Variants in SLC17A3 observed in about 807,000 individuals in gnomAD.
SLC17A3 encodes solute carrier family 17 member 3, also known as sodium-dependent phosphate transport protein 4.
A neutral mutation model predicts 60.3 loss-of-function variants in SLC17A3; 61 were observed. That is an observed-to-expected ratio of 1.01 (90% CI 0.82 to 1.25). SLC17A3 has a LOEUF of 1.25. Among genes scored for constraint, SLC17A3 ranks in the 50% most tolerant of loss-of-function variants. The probability of loss-of-function intolerance (pLI) is 0.00; values close to 1 mark genes in which losing one functional copy is unlikely to be tolerated. For synonymous variants in SLC17A3, 192 were observed against 208.9 expected (o/e 0.92, Z 0.70); for missense variants, 624 against 594.9 (o/e 1.05, Z -0.51).
chr6:25,860,973 G>T (rs758936833), intron 5 of SLC17A3, among the ~76,000 whole-genome samples: 6 of 152,096 alleles, frequency 3.9e-5, no homozygotes, highest in Non-Finnish European at 8.8e-5. Flanking sequence ...TTATTTTCTG[G>T]ACTTGAAGGG....
intron 1 of SLC17A3, among the ~76,000 whole-genome samples, chr6:25,871,946 G>A (rs1765648463): frequency 6.6e-6 from 1 of 151,948 alleles, no homozygotes; most frequent in Admixed American, 6.6e-5. Context: ...TTAAGGCAGG[G>A]AATTAAAACT....
chr6:25,850,681 C>T (rs745991441), intron 7 of SLC17A3, 61 bp from the exon 8 acceptor site: 2 of 1,609,692 alleles, frequency 1.2e-6, no homozygotes, highest in African/African-American at 1.3e-5. Context: ...ACTTAGTCAC[C>T]CTTAAAAATC....
intron 6 of SLC17A3, among the ~76,000 whole-genome samples, chr6:25,853,285 A>G (rs572544898): frequency 1.5e-5 from 2 of 135,290 alleles, no homozygotes; most frequent in Admixed American, 7.3e-5. Context: ...CTCTCTGTTT[A>G]TCTCTCTTTC....
At chr6:25,868,731 T>C (rs1406404837) in intron 1 of SLC17A3, among the ~76,000 whole-genome samples, 1 of 152,022 alleles carries the variant, frequency 6.6e-6, no homozygotes, top group Non-Finnish European at 1.5e-5. Flanking sequence ...AGCACATTTG[T>C]GTGTTTCAGT....
At chr6:25,868,241 T>C (rs1000836770) in intron 2 of SLC17A3, 56 bp downstream of exon 2, 1 of 1,242,462 alleles carries the variant, frequency 8.0e-7, no homozygotes, top group African/African-American at 1.5e-5. Context: ...AGTAATACGT[T>C]GACAAAAAGA....
intron 11 of SLC17A3, among the ~76,000 whole-genome samples, chr6:25,847,133 T>C (rs2151517950): frequency 6.6e-6 from 1 of 152,234 alleles, no homozygotes; most frequent in South Asian, 2.1e-4. Context: ...TGTCCATGAA[T>C]GCTCATCCTT....
intron 6 of SLC17A3, among the ~76,000 whole-genome samples, chr6:25,854,086 C>A (rs1765322660): frequency 6.6e-6 from 1 of 152,094 alleles, no homozygotes; most frequent in Non-Finnish European, 1.5e-5. Flanking sequence ...ATTTTCAACT[C>A]ATTTAAATTT....
At chr6:25,855,108 A>G (rs998633350) in intron 6 of SLC17A3, 36 bp downstream of exon 6, 2 of 1,299,966 alleles carry the variant, frequency 1.5e-6, no homozygotes, top group Non-Finnish European at 1.1e-6. Flanking sequence ...ATCTTTCTGC[A>G]TATGAAACTC....
rs755262967 is a variant in SLC17A3, at chr6:25,850,827, C to T, written c.763G>A (p.Asp255Asn). Residue 255 changes from aspartate to asparagine, a missense_variant, in exon 7 of 13, where the codon GAC (aspartate) becomes AAC (asparagine). Coordinates refer to ENST00000397060, the MANE Select transcript of SLC17A3 (RefSeq NM_001098486.2). ...CLLWFVVIYD[D>N]PVSYPWISTS... Reference sequence around the variant, plus strand: ...CTTATCCATGGATAGGAAACGGGGTCATCATAAATCACAACAAACCAGAGA... The same window carrying T: ...CTTATCCATGGATAGGAAACGGGGTTATCATAAATCACAACAAACCAGAGA... The T allele has an allele frequency of 7.4e-6, 12 of 1,614,038 alleles. No individual in the cohort carries two copies. Among genetic ancestry groups the T allele is most frequent in the Admixed American group, 1.7e-5 (1 of 60,014 alleles).
At chr6:25,869,796 T>C (rs1161558493) in intron 1 of SLC17A3, among the ~76,000 whole-genome samples, 2 of 151,998 alleles carry the variant, frequency 1.3e-5, no homozygotes, top group East Asian at 3.9e-4. Context: ...TTGGGTATTA[T>C]GTGGACCACA....
Position 25,849,711 on chromosome 6 carries a change from G to GT in SLC17A3, c.1271+93dup, listed in dbSNP as rs1162842844. The GT allele has an allele frequency of 5.6e-6, 8 of 1,417,426 alleles. No individual in the cohort carries two copies. In the East Asian group the frequency reaches 6.9e-5, roughly 12 times the overall value. The allele number at this position is 1,417,426 out of a possible 1,614,324, so 87.8% of individuals were successfully genotyped here. A position where few individuals can be genotyped will look rare whatever the true frequency, so the allele number is the denominator to read the frequency against. Reference sequence around the variant, plus strand: ...GTCTATCTGTGGTTCTTCCCCTATGGTTTATTCATTTCCTAAGTTTGGGGA... The same window carrying GT: ...GTCTATCTGTGGTTCTTCCCCTATGGTTTTATTCATTTCCTAAGTTTGGGGA... On this transcript the variant is annotated intron_variant, in intron 10 of 12. Coordinates refer to ENST00000397060, the MANE Select transcript of SLC17A3 (RefSeq NM_001098486.2).
chr6:25,861,660 G>T lies in SLC17A3; in HGVS notation c.589C>A (p.Gln197Lys), dbSNP rs772108912. Residue 197 changes from glutamine to lysine, a missense_variant, in exon 5 of 13, where the codon CAA becomes AAA. Physicochemically the swap from Gln to Lys is moderately conservative, Grantham distance 53. Transcript: ENST00000397060. Reference sequence around the variant, plus strand: ...ATGCTGCAGAGTCTGCTTCGTTCTTGTGGAGGGCCCCACTTTTCCCAAATT... The same window carrying T: ...ATGCTGCAGAGTCTGCTTCGTTCTTTTGGAGGGCCCCACTTTTCCCAAATT... ...FAIWEKWGPPQERSRLCSIAL... is the reference protein window; with the variant it reads ...FAIWEKWGPPKERSRLCSIAL... 4.1e-5 allele frequency: 66 copies of T among 1,613,916 alleles called. No homozygotes were observed. Among genetic ancestry groups the T allele is most frequent in the Non-Finnish European group, 5.3e-5 (63 of 1,179,900 alleles).
intron 5 of SLC17A3, among the ~76,000 whole-genome samples, chr6:25,856,701 G>C (rs1414529049): frequency 6.6e-6 from 1 of 151,980 alleles, no homozygotes; most frequent in Non-Finnish European, 1.5e-5. Context: ...CAAAAAATTA[G>C]CTGGGCGTTC....
Position 25,855,127 on chromosome 6 carries a change from G to C in SLC17A3, c.712+17C>G. 1 of 1,530,590 alleles carries C rather than the reference G, an allele frequency of 6.5e-7. No individual in the cohort carries two copies. The highest frequency in any genetic ancestry group is 9.1e-7 in the Non-Finnish European group (1 of 1,104,536). 94.8% of individuals were successfully genotyped at this position (1,530,590 alleles called of 1,614,324 possible). ...TTCTGCATATGAAACTCAGGGAACT[G>C]GGAGATAGTAGCTTACCAAAGATAT... On this transcript the variant is annotated intron_variant, in intron 6 of 12. Coordinates refer to ENST00000397060, the MANE Select transcript of SLC17A3 (RefSeq NM_001098486.2).
chr6:25,863,299 C>T (rs1202551609), intron 2 of SLC17A3, among the ~76,000 whole-genome samples: 1 of 152,092 alleles, frequency 6.6e-6, no homozygotes, highest in Non-Finnish European at 1.5e-5. Flanking sequence ...GGTTAGGTCT[C>T]TACTCAACTT....
chr6:25,873,533 C>G (rs938844149), intron 1 of SLC17A3, among the ~76,000 whole-genome samples: 21 of 152,190 alleles, frequency 1.4e-4, no homozygotes, highest in South Asian at 6.2e-4. Flanking sequence ...TCCCTCCTTC[C>G]CACTGCCCTC....
intron 1 of SLC17A3, among the ~76,000 whole-genome samples, chr6:25,868,785 T>C (rs891709560): frequency 2.0e-5 from 3 of 152,100 alleles, no homozygotes; most frequent in African/African-American, 7.2e-5. Context: ...CATCAAAAAG[T>C]TGCTGTTGGC....
At chr6:25,865,953 T>C (rs1765527250) in intron 2 of SLC17A3, among the ~76,000 whole-genome samples, 2 of 152,036 alleles carry the variant, frequency 1.3e-5, no homozygotes, top group Admixed American at 1.3e-4. Context: ...AGAGGTTATA[T>C]TAATGAATTC....
At chr6:25,863,393 TA>T in intron 2 of SLC17A3, among the ~76,000 whole-genome samples, 1 of 151,998 alleles carries the variant, frequency 6.6e-6, no homozygotes, top group Non-Finnish European at 1.5e-5. Context: ...GAAGAGCAAA[TA>T]AAATATAAAA....
Sources: gnomAD v4.1 joint callset for allele counts (sites outside exome capture counted in the v4.1 genomes callset) on GRCh38, gnomAD v4.1.1 for gene constraint, MANE v1.5 for transcripts, NCBI Gene and HGNC (gene_info 2026-07-23, HGNC 2026-07-21) for gene names.